CADM2: variants seen among roughly 807,000 people sequenced by gnomAD.
The protein encoded by CADM2 is immunoglobulin superfamily member 4D.
Under a neutral mutation model 49.8 loss-of-function variants are expected in CADM2, and 12 were observed. The observed-to-expected ratio is 0.24, with a 90% CI of 0.15 to 0.39. The LOEUF (loss-of-function observed/expected upper bound fraction) is 0.39. Ranked by LOEUF, CADM2 falls within the 10% of genes least tolerant of loss-of-function variation. The pLI is 1.00. For missense variants in CADM2, 378 were observed against 492.3 expected (o/e 0.77, Z 2.20); for synonymous variants, 214 against 175.4 (o/e 1.22, Z -1.74).
chr3:85,872,805 A>T (rs2075980006), intron 3 of CADM2, among the ~76,000 whole-genome samples: 1 of 151,756 alleles, frequency 6.6e-6, no homozygotes, highest in East Asian at 1.9e-4. Context: ...TTTATGGTTT[A>T]GTTGTGGTAT....
At chr3:85,497,132 G>T (rs1310863822) in intron 1 of CADM2, among the ~76,000 whole-genome samples, 1 of 152,124 alleles carries the variant, frequency 6.6e-6, no homozygotes. Context: ...GCATGAGTAT[G>T]TCTTCTTTTG....
rs368110961 is a variant in CADM2, at chr3:85,153,437, GC to G, written c.61+193771del. ...CTGCACCTGGCTCAGAGGGTCCCAT[GC>G]CAACGGAGTCTCACTGATTGCTAGC... On this transcript the variant is annotated intron_variant, in intron 1 of 9. Transcript: ENST00000383699. 2.2e-4 allele frequency among the ~76,000 whole-genome samples: 33 copies of G among 152,314 alleles called. No homozygotes were observed. In the East Asian group the frequency reaches 4.8e-3, roughly 22 times the overall value.
intron 1 of CADM2, among the ~76,000 whole-genome samples, chr3:85,251,442 A>C (rs1265180074): frequency 6.6e-6 from 1 of 151,948 alleles, no homozygotes; most frequent in East Asian, 1.9e-4. Context: ...GTAGACAAAA[A>C]AGAGATTTCA....
chr3:84,960,816 TA>T, intron 1 of CADM2, among the ~76,000 whole-genome samples: 1 of 152,144 alleles, frequency 6.6e-6, no homozygotes, highest in South Asian at 2.1e-4. Flanking sequence ...TGGCAATGCA[TA>T]GTACAGGAGT....
chr3:86,051,072 A>G (rs1415776010), intron 8 of CADM2, among the ~76,000 whole-genome samples: 1 of 152,176 alleles, frequency 6.6e-6, no homozygotes, highest in Admixed American at 6.5e-5. Context: ...TTTCTTTTTT[A>G]AATATCAATT....
rs368314783 is a variant in CADM2 at position 85,414,351 on chromosome 3, G to C, written c.62-312171G>C. Among the ~76,000 whole-genome samples, 19 of 152,186 alleles carry C rather than the reference G, an allele frequency of 1.2e-4. No individual in the cohort carries two copies. The South Asian group carries it at 3.7e-3, about 30-fold the overall frequency. The stretch of plus-strand genomic sequence containing the variant: ...AGAAATTTATGTAAATCTTTCATAA[G>C]GAAGAAAAAAATAATCGAGAGAAAT... On this transcript the variant is annotated intron_variant, in intron 1 of 9. Coordinates refer to ENST00000383699, the MANE Select transcript of CADM2 (RefSeq NM_001167675.2).
intron 8 of CADM2, among the ~76,000 whole-genome samples, chr3:86,003,114 G>T (rs2108745771): frequency 6.6e-6 from 1 of 152,238 alleles, no homozygotes; most frequent in South Asian, 2.1e-4. Context: ...AGACCAGGTT[G>T]ACTGCTCAGT....
At chr3:85,374,897 T>A (rs916186635) in intron 1 of CADM2, among the ~76,000 whole-genome samples, 1 of 152,038 alleles carries the variant, frequency 6.6e-6, no homozygotes, top group Non-Finnish European at 1.5e-5. Context: ...CAAGATGAGA[T>A]TTGGGTGGGG....
intron 3 of CADM2, among the ~76,000 whole-genome samples, chr3:85,858,154 A>G (rs2075385741): frequency 6.6e-6 from 1 of 152,212 alleles, no homozygotes; most frequent in Non-Finnish European, 1.5e-5. Flanking sequence ...GGGACGGTCT[A>G]GTGTCTTTTA....
At chr3:85,027,027 A>G (rs2034757430) in intron 1 of CADM2, among the ~76,000 whole-genome samples, 1 of 145,242 alleles carries the variant, frequency 6.9e-6, no homozygotes, top group Admixed American at 6.9e-5. Flanking sequence ...TTTTCTACTT[A>G]GTGCTCTTAA....
intron 3 of CADM2, among the ~76,000 whole-genome samples, chr3:85,809,989 A>G (rs1247310108): frequency 6.6e-6 from 1 of 151,902 alleles, no homozygotes; most frequent in African/African-American, 2.4e-5. Flanking sequence ...ATTAAATGGT[A>G]CATTGCAGTT....
intron 3 of CADM2, among the ~76,000 whole-genome samples, chr3:85,860,404 AAAAC>A (rs2075481811): frequency 6.6e-6 from 1 of 152,184 alleles, no homozygotes; most frequent in Admixed American, 6.5e-5. Flanking sequence ...GGAGGGAAAA[AAAAC>A]AAGAAAGAGG....
intron 3 of CADM2, among the ~76,000 whole-genome samples, chr3:85,860,777 G>A (rs2075498429): frequency 6.6e-6 from 1 of 152,112 alleles, no homozygotes; most frequent in South Asian, 2.1e-4. Context: ...GAAATTTGGA[G>A]GAAGGGGGAC....
intron 1 of CADM2, among the ~76,000 whole-genome samples, chr3:85,546,036 C>G (rs1166223497): frequency 6.6e-6 from 1 of 152,192 alleles, no homozygotes; most frequent in Non-Finnish European, 1.5e-5. Flanking sequence ...ATAGCACATT[C>G]TATACCTAAA....
At chr3:85,796,939 G>T (rs1478925526) in intron 2 of CADM2, among the ~76,000 whole-genome samples, 1 of 151,708 alleles carries the variant, frequency 6.6e-6, no homozygotes, top group African/African-American at 2.4e-5. Context: ...TACTAAAAAT[G>T]CAAAAATTAA....
intron 8 of CADM2, among the ~76,000 whole-genome samples, chr3:86,023,004 C>CA (rs576293898): frequency 2.4e-4 from 37 of 151,546 alleles, no homozygotes; most frequent in African/African-American, 7.3e-4. Flanking sequence ...AAATATATAG[C>CA]AAAAAAAAGA....
intron 3 of CADM2, among the ~76,000 whole-genome samples, chr3:85,842,895 T>C (rs991440551): frequency 1.3e-5 from 2 of 152,106 alleles, no homozygotes; most frequent in African/African-American, 4.8e-5. Context: ...TAGCATTGAT[T>C]CCTATACGTT....
intron 1 of CADM2, among the ~76,000 whole-genome samples, chr3:85,107,132 A>T (rs1274688134): frequency 6.6e-6 from 1 of 152,128 alleles, no homozygotes; most frequent in Non-Finnish European, 1.5e-5. Flanking sequence ...ATCAACTAAA[A>T]ATTTTCATTG....
chr3:85,818,229 T>G (rs944962403), intron 3 of CADM2, among the ~76,000 whole-genome samples: 1 of 152,002 alleles, frequency 6.6e-6, no homozygotes, highest in African/African-American at 2.4e-5. Context: ...AAGACCTAAG[T>G]GAGGGGGAAA....
Sources: gnomAD v4.1 joint callset for allele counts (sites outside exome capture counted in the v4.1 genomes callset) on GRCh38, gnomAD v4.1.1 for gene constraint, MANE v1.5 for transcripts, NCBI Gene and HGNC (gene_info 2026-07-23, HGNC 2026-07-21) for gene names.